DIAPH2: variants seen among roughly 807,000 people sequenced by gnomAD.
DIAPH2 encodes protein diaphanous homolog 2.
DIAPH2 carries 35 observed loss-of-function variants against 92.7 expected under a neutral mutation model. The ratio of observed to expected loss-of-function variants is 0.38; its 90% CI spans 0.29 to 0.50. DIAPH2 has a LOEUF of 0.50. DIAPH2 is among the 20% of genes least tolerant of loss of function. The pLI, the probability that DIAPH2 is intolerant of heterozygous loss-of-function variation, is 0.94. For synonymous variants in DIAPH2, 301 were observed against 280.4 expected (o/e 1.07, Z -0.73); for missense variants, 701 against 819.5 (o/e 0.86, Z 1.77).
chrX:96,861,319 G>C (rs922105900), intron 4 of DIAPH2, among the ~76,000 whole-genome samples: 14 of 111,695 alleles, frequency 1.3e-4, no homozygotes, highest in African/African-American at 3.9e-4. Flanking sequence ...CCCTTTCTTT[G>C]CTTTCTCCAC....
chrX:96,876,274 G>A (rs1355612984), intron 4 of DIAPH2, among the ~76,000 whole-genome samples: 1 of 111,627 alleles, frequency 9.0e-6, no homozygotes, highest in Non-Finnish European at 1.9e-5. Flanking sequence ...GTGCTGGAGA[G>A]GATGTGGAGA....
At chrX:96,735,295 C>T (rs1201336510) in intron 1 of DIAPH2, among the ~76,000 whole-genome samples, 4 of 111,163 alleles carry the variant, frequency 3.6e-5, no homozygotes, top group Non-Finnish European at 7.6e-5. Flanking sequence ...TTTAAATATC[C>T]ATCAGGAATA....
intron 20 of DIAPH2, among the ~76,000 whole-genome samples, chrX:97,100,974 C>A (rs560690087): frequency 8.9e-6 from 1 of 111,825 alleles, no homozygotes; most frequent in African/African-American, 3.2e-5. Flanking sequence ...TGTTTGGGAT[C>A]AGATAGAGCA....
At chrX:97,473,724 G>A (rs911482484) in intron 26 of DIAPH2, among the ~76,000 whole-genome samples, 16 of 112,232 alleles carry the variant, frequency 1.4e-4, no homozygotes, top group African/African-American at 5.2e-4. Context: ...ATTTTGGGAG[G>A]CCGAGGTAGG....
intron 5 of DIAPH2, among the ~76,000 whole-genome samples, chrX:96,911,521 C>T (rs1468346118): frequency 9.0e-6 from 1 of 111,174 alleles, no homozygotes; most frequent in African/African-American, 3.3e-5. Context: ...CTCACAGTTC[C>T]TGGAACATTC....
chrX:96,801,275 T>A (rs889188306), intron 4 of DIAPH2, among the ~76,000 whole-genome samples: 2 of 112,079 alleles, frequency 1.8e-5, no homozygotes, highest in Non-Finnish European at 3.8e-5. Context: ...TGCAGAAATA[T>A]TTCTTTCTTA....
chrX:96,831,972 A>C (rs1337326886), intron 4 of DIAPH2, among the ~76,000 whole-genome samples: 2 of 111,653 alleles, frequency 1.8e-5, no homozygotes, highest in East Asian at 5.6e-4. Context: ...AAAATAAGTC[A>C]CATAGCCACA....
Position 96,962,466 on chromosome X carries a change from TAC to T in DIAPH2, c.1936-2625_1936-2624del, listed in dbSNP as rs1569436711. The stretch of plus-strand genomic sequence containing the variant: ...ACATATATACACACACATATATATA[TAC>T]ATATATATATACACACACACACACA... On this transcript the variant is annotated intron_variant, in intron 16 of 26. Coordinates refer to ENST00000324765, the MANE Select transcript of DIAPH2 (RefSeq NM_006729.5). Among the ~76,000 whole-genome samples, 207 of 48,214 alleles carry T rather than the reference TAC, an allele frequency of 4.3e-3. 16 individuals are homozygous for T. Among genetic ancestry groups the T allele is most frequent in the African/African-American group, 0.016 (194 of 12,018 alleles). 41.9% of individuals were successfully genotyped at this position (48,214 alleles called of 115,157 possible).
chrX:97,473,824 G>C (rs764601951), intron 26 of DIAPH2, among the ~76,000 whole-genome samples: 8 of 111,061 alleles, frequency 7.2e-5, no homozygotes, highest in Non-Finnish European at 1.1e-4. Context: ...GCCAGGCGTG[G>C]TACCAGGTTC....
At chrX:96,892,593 A>G (rs1413610531) in intron 5 of DIAPH2, among the ~76,000 whole-genome samples, 1 of 111,960 alleles carries the variant, frequency 8.9e-6, no homozygotes, top group East Asian at 2.8e-4. Context: ...TTCAAAACAT[A>G]ATTCTGACTT....
At chrX:96,989,649 A>C (rs1271990442) in intron 17 of DIAPH2, among the ~76,000 whole-genome samples, 2 of 111,866 alleles carry the variant, frequency 1.8e-5, no homozygotes, top group African/African-American at 6.5e-5. Flanking sequence ...ACAGTGTATT[A>C]GTGCATGTGG....
chrX:96,959,798 G>A, intron 16 of DIAPH2, among the ~76,000 whole-genome samples: 1 of 111,163 alleles, frequency 9.0e-6, no homozygotes, highest in Non-Finnish European at 1.9e-5. Context: ...TTTATATATT[G>A]TGGGAGATAT....
At chrX:97,374,949 T>C (rs1266893842) in intron 24 of DIAPH2, among the ~76,000 whole-genome samples, 1 of 112,021 alleles carries the variant, frequency 8.9e-6, no homozygotes, top group Non-Finnish European at 1.9e-5. Context: ...TGTAACCTGA[T>C]GTGATCATTC....
chrX:97,396,615 G>A (rs1354441731), intron 25 of DIAPH2, among the ~76,000 whole-genome samples: 2 of 111,246 alleles, frequency 1.8e-5, no homozygotes, highest in Non-Finnish European at 3.8e-5. Context: ...CAGTCTGGGC[G>A]ACAGAGTGAG....
At chrX:97,346,648 G>A (rs993298515) in intron 23 of DIAPH2, among the ~76,000 whole-genome samples, 1 of 111,652 alleles carries the variant, frequency 9.0e-6, no homozygotes, top group African/African-American at 3.3e-5. Flanking sequence ...ATATTTTTAT[G>A]ATTAGGTTTG....
At chrX:96,779,482 T>C (rs1389504919) in intron 4 of DIAPH2, among the ~76,000 whole-genome samples, 3 of 112,277 alleles carry the variant, frequency 2.7e-5, no homozygotes, top group Non-Finnish European at 3.8e-5. Flanking sequence ...ATGTCTGATG[T>C]GATACATTTA....
chrX:97,271,762 C>A (rs1217981041), intron 23 of DIAPH2, among the ~76,000 whole-genome samples: 2 of 107,857 alleles, frequency 1.9e-5, no homozygotes, highest in Admixed American at 1.0e-4. Context: ...AATCCCACTA[C>A]ATTACTGTTT....
chrX:96,769,903 A>G (rs916798605), intron 4 of DIAPH2, among the ~76,000 whole-genome samples: 13 of 112,295 alleles, frequency 1.2e-4, no homozygotes, highest in Admixed American at 1.9e-4. Context: ...GTTTCTGTTA[A>G]AAGTATAAAC....
At chrX:97,488,661 C>T (rs896983898) in intron 26 of DIAPH2, among the ~76,000 whole-genome samples, 2 of 111,595 alleles carry the variant, frequency 1.8e-5, no homozygotes, top group Non-Finnish European at 3.8e-5. Context: ...CATTCTTTTG[C>T]ATGTCCATAT....
Sources: allele counts gnomAD v4.1 joint callset (sites outside exome capture counted in the v4.1 genomes callset), GRCh38; gene constraint gnomAD v4.1.1; transcripts MANE v1.5; gene names NCBI Gene and HGNC (gene_info 2026-07-23, HGNC 2026-07-21).